The following SPEF2 variants were observed in gnomAD, a reference collection of about 807,000 sequenced individuals.
SPEF2 encodes the protein sperm flagellar and cilia associated 2, also known as sperm flagella and cilia-associated protein 2.
SPEF2 carries 187 observed loss-of-function variants against 224.6 expected under a neutral mutation model. That is an observed-to-expected ratio of 0.83 (90% confidence interval 0.74 to 0.94). The LOEUF (loss-of-function observed/expected upper bound fraction) is 0.94. Ranked by LOEUF, SPEF2 falls within the 40% of genes least tolerant of loss-of-function variation. The probability of loss-of-function intolerance (pLI) is 0.00; values close to 1 mark genes in which losing one functional copy is unlikely to be tolerated. For missense variants in SPEF2, 2,170 were observed against 2,135.6 expected, an observed-to-expected ratio of 1.02 and a Z score of -0.32; for synonymous variants, 715 against 707.3, an observed-to-expected ratio of 1.01 and a Z score of -0.17.
intron 10 of SPEF2, 146 bp downstream of exon 10, chr5:35,670,373 G>A (rs1158583727): frequency 7.2e-7 from 1 of 1,388,878 alleles, no homozygotes; most frequent in Non-Finnish European, 9.3e-7. Context: ...TTGTATGTTT[G>A]TACTACTTTT....
At chr5:35,802,083 G>C (rs1333889804) in intron 34 of SPEF2, among the ~76,000 whole-genome samples, 1 of 152,192 alleles carries the variant, frequency 6.6e-6, no homozygotes, top group East Asian at 1.9e-4. Flanking sequence ...ACAGGGGGGA[G>C]CATGGAATAA....
At chr5:35,662,855 G>T (rs536611181) in intron 8 of SPEF2, among the ~76,000 whole-genome samples, 1 of 152,064 alleles carries the variant, frequency 6.6e-6, no homozygotes, top group African/African-American at 2.4e-5. Context: ...CAGGTAGTGC[G>T]ATGCTTCCAG....
At chr5:35,674,610 G>C (rs753656240) in intron 10 of SPEF2, among the ~76,000 whole-genome samples, 9 of 140,656 alleles carry the variant, frequency 6.4e-5, no homozygotes, top group Non-Finnish European at 1.2e-4. Flanking sequence ...TCCCACCTAT[G>C]AGTGAGAACA....
At chr5:35,646,921 C>T in intron 5 of SPEF2, 114 bp downstream of exon 5, 1 of 1,118,254 alleles carries the variant, frequency 8.9e-7, no homozygotes, top group Admixed American at 2.7e-5. Context: ...CAAATTATCT[C>T]TGACCTTGTC....
At chr5:35,668,223 C>A (rs1051267888) in intron 9 of SPEF2, among the ~76,000 whole-genome samples, 12 of 152,070 alleles carry the variant, frequency 7.9e-5, no homozygotes, top group African/African-American at 2.4e-4. Flanking sequence ...GTTTATATCA[C>A]CTTTATTTGT....
intron 30 of SPEF2, chr5:35,790,535 G>A (rs760456861): frequency 7.4e-6 from 3 of 406,950 alleles, no homozygotes; most frequent in Non-Finnish European, 1.3e-5. Flanking sequence ...AACATACAGA[G>A]TAAAAAGCCC....
In SPEF2 at chr5:35,806,841, C is replaced by T; in HGVS notation, c.5145C>T (p.Asn1715=). The change falls in exon 35 of 37, where the codon AAC becomes AAT. Residue 1715 remains asparagine (N), a synonymous_variant. Transcript: ENST00000356031. ...QKDEEIPENA[N]NEKMSMETLL... ...ATGAAGAAATCCCTGAAAATGCAAA[C>T]AATGAAAAGATGTCCATGGAAACAC... is the stretch of plus-strand genomic sequence containing the variant. 6.2e-7 allele frequency: 1 copy of T among 1,613,910 alleles called. No homozygotes were observed. The highest frequency in any genetic ancestry group is 8.5e-7 in the Non-Finnish European group (1 of 1,179,936).
In SPEF2 at chr5:35,649,434, T is replaced by G; in HGVS notation, c.791+9T>G. The G allele has an allele frequency of 6.2e-7, 1 of 1,604,708 alleles. No homozygotes were observed. The highest frequency in any genetic ancestry group is 8.5e-7 in the Non-Finnish European group (1 of 1,175,478). On this transcript the variant is annotated intron_variant, in intron 6 of 36. Transcript: ENST00000356031. ...CTCCAAGCAAAAGAAAGGTGAGATG[T>G]GAGCTATTTTAAGAATTACAAAACC...
At chr5:35,694,653 T>C (rs893285320) in intron 13 of SPEF2, among the ~76,000 whole-genome samples, 5 of 148,938 alleles carry the variant, frequency 3.4e-5, no homozygotes, top group Non-Finnish European at 7.4e-5. Flanking sequence ...TTCCTGTCTG[T>C]GCAAGGAGAC....
At chr5:35,684,513 T>C (rs985491132) in intron 10 of SPEF2, among the ~76,000 whole-genome samples, 1 of 152,222 alleles carries the variant, frequency 6.6e-6, no homozygotes, top group African/African-American at 2.4e-5. Context: ...ATTCGGATTT[T>C]TTGTGAGGAA....
At chr5:35,647,842 G>A (rs1490209418) in intron 5 of SPEF2, among the ~76,000 whole-genome samples, 1 of 152,194 alleles carries the variant, frequency 6.6e-6, no homozygotes, top group Admixed American at 6.5e-5. Flanking sequence ...ACCTGTACCA[G>A]TGACATTTTA....
rs1249591349 is a variant in SPEF2 at position 35,751,036 on chromosome 5, C to CGTATAT, written c.3331-2588_3331-2587insGTATAT. On this transcript the variant is annotated intron_variant, in intron 23 of 36. Transcript: ENST00000356031. ...ACGTATATATATACGTATATATATA[C>CGTATAT]ACATATGTATATATATATACGTATA... 2.9e-3 allele frequency among the ~76,000 whole-genome samples: 77 copies of CGTATAT among 26,594 alleles called. 2 individuals carry two copies. Among genetic ancestry groups the CGTATAT allele is most frequent in the African/African-American group, 7.2e-3 (72 of 9,954 alleles). 17.4% of individuals were successfully genotyped at this position (26,594 alleles called of 152,430 possible).
rs1751645586 is a variant in SPEF2, at chr5:35,763,557, A to G, written c.3656A>G (p.Glu1219Gly). The change falls in exon 26 of 37, where the codon GAA (glutamate) becomes GGA (glycine). Residue 1219 changes from glutamate to glycine, a missense_variant. By Grantham distance (98) the Glu-to-Gly change is moderately conservative. Coordinates refer to ENST00000356031, the MANE Select transcript of SPEF2 (RefSeq NM_024867.4). The stretch of plus-strand genomic sequence containing the variant: ...GTTCCTCGAATATCCATTTCTCTGG[A>G]AACAGTTACACCCAAACCAAAAACA... ...PLVPRISISL[E>G]TVTPKPKTKS... The G allele has an allele frequency of 1.9e-6, 3 of 1,603,928 alleles. No individual in the cohort carries two copies. Among genetic ancestry groups the G allele is most frequent in the South Asian group, 1.1e-5 (1 of 88,590 alleles).
intron 23 of SPEF2, among the ~76,000 whole-genome samples, chr5:35,744,634 CCTTT>C (rs1748186273): frequency 6.6e-6 from 1 of 152,134 alleles, no homozygotes; most frequent in African/African-American, 2.4e-5. Context: ...TGTGTCCTCT[CCTTT>C]CTTTAAAAAA....
At chr5:35,729,472 T>A (rs761795543) in intron 21 of SPEF2, among the ~76,000 whole-genome samples, 12 of 152,148 alleles carry the variant, frequency 7.9e-5, no homozygotes, top group Admixed American at 6.5e-4. Flanking sequence ...AGTACTTACG[T>A]ACATTAGCCT....
chr5:35,771,630 AGGC>A lies in SPEF2; in HGVS notation c.3824_3826del (p.Arg1275_Leu1276delinsIle). On this transcript the variant is annotated inframe_deletion, in exon 27 of 37. Coordinates refer to ENST00000356031, the MANE Select transcript of SPEF2 (RefSeq NM_024867.4). ...CCAGGTGGCTGCTGAAATTCATCAGAGGCTTATGGAAGAAGAAAAAGAAAACCA... is the reference window on the plus strand; with the variant it reads ...CCAGGTGGCTGCTGAAATTCATCAGATTATGGAAGAAGAAAAAGAAAACCA... The A allele has an allele frequency of 6.2e-7, 1 of 1,607,310 alleles. No homozygotes were observed. Among genetic ancestry groups the A allele is most frequent in the Non-Finnish European group, 8.5e-7 (1 of 1,178,328 alleles).
At chr5:35,717,649 T>C (rs1459819047) in intron 20 of SPEF2, among the ~76,000 whole-genome samples, 1 of 151,466 alleles carries the variant, frequency 6.6e-6, no homozygotes, top group African/African-American at 2.4e-5. Flanking sequence ...AAGGCCAGAG[T>C]CCCTCTACTA....
At chr5:35,703,856 T>TTCTTCA (rs1739199091) in intron 16 of SPEF2, among the ~76,000 whole-genome samples, 1 of 152,218 alleles carries the variant, frequency 6.6e-6, no homozygotes, top group Admixed American at 6.5e-5. Flanking sequence ...CCTGTGAGGG[T>TTCTTCA]TCTTCATTTG....
At position 35,806,917 on chromosome 5, in the gene SPEF2, G is replaced by T. The variant is rs756610610; in HGVS notation, c.5221G>T (p.Ala1741Ser). 2 of 1,611,772 alleles carry T rather than the reference G, an allele frequency of 1.2e-6. No individual in the cohort carries two copies. The highest frequency in any genetic ancestry group is 1.3e-5 in the African/African-American group (1 of 74,858). Residue 1741 changes from alanine to serine, a missense_variant, in exon 35 of 37, where the codon GCC (alanine) becomes TCC (serine). Transcript: ENST00000356031. ...TGAAGCACAGGACTCCAATAGATTT[G>T]CCAGCCACCTAAAGATAGAGAACAT... ...GSEAQDSNRF[A>S]SHLKIENIYA...
Sources: allele counts gnomAD v4.1 joint callset (sites outside exome capture counted in the v4.1 genomes callset), GRCh38; gene constraint gnomAD v4.1.1; transcripts MANE v1.5; gene names NCBI Gene and HGNC (gene_info 2026-07-23, HGNC 2026-07-21).